Variants in AHCYL2 observed in about 807,000 individuals in gnomAD.
AHCYL2 encodes S-adenosylhomocysteine hydrolase-like protein 2.
Under a neutral mutation model 81.4 loss-of-function variants are expected in AHCYL2, and 28 were observed. That is an observed-to-expected ratio of 0.34 (90% confidence interval 0.25 to 0.47). The LOEUF (loss-of-function observed/expected upper bound fraction) is 0.47. AHCYL2 is among the 20% of genes least tolerant of loss of function. AHCYL2 has a pLI of 1.00. For synonymous variants in AHCYL2, 272 were observed against 290.2 expected, an observed-to-expected ratio of 0.94 and a Z score of 0.64; for missense variants, 551 against 785.1, an observed-to-expected ratio of 0.70 and a Z score of 3.56.
chr7:129,320,517 A>T (rs564811827), intron 1 of AHCYL2, among the ~76,000 whole-genome samples: 1 of 152,194 alleles, frequency 6.6e-6, no homozygotes, highest in Non-Finnish European at 1.5e-5. Context: ...CGGTTTCACC[A>T]TGTTAGCCAG....
chr7:129,243,574 GT>G (rs79125788), intron 1 of AHCYL2, among the ~76,000 whole-genome samples: 3 of 84,972 alleles, frequency 3.5e-5, no homozygotes, highest in Admixed American at 1.2e-4. Flanking sequence ...GTTTGTTTTT[GT>G]TTTTGTTTTG....
At chr7:129,249,853 A>G (rs1795191683) in intron 1 of AHCYL2, among the ~76,000 whole-genome samples, 1 of 152,148 alleles carries the variant, frequency 6.6e-6, no homozygotes, top group African/African-American at 2.4e-5. Context: ...TTTACTTGGT[A>G]TAATGTTTTC....
chr7:129,238,984 T>G lies in AHCYL2; in HGVS notation c.363+13545T>G, dbSNP rs1584691496. The stretch of plus-strand genomic sequence containing the variant: ...AAGAACCTTTGTGAGGTTTCCTTGT[T>G]CCAGCTTTACAAGTCTAGAAATTCA... On this transcript the variant is annotated intron_variant, in intron 1 of 16. Transcript: ENST00000325006. Among the ~76,000 whole-genome samples the G allele has an allele frequency of 5.9e-5, 9 of 151,702 alleles. No homozygotes were observed. In the Admixed American group the frequency reaches 5.9e-4, roughly 10 times the overall value.
At chr7:129,264,467 GA>G (rs1795748981) in intron 1 of AHCYL2, among the ~76,000 whole-genome samples, 1 of 152,158 alleles carries the variant, frequency 6.6e-6, no homozygotes, top group Non-Finnish European at 1.5e-5. Context: ...GTAAGGGTAA[GA>G]AATCATGGAT....
At chr7:129,234,514 A>T (rs1378763750) in intron 1 of AHCYL2, among the ~76,000 whole-genome samples, 1 of 151,994 alleles carries the variant, frequency 6.6e-6, no homozygotes, top group Non-Finnish European at 1.5e-5. Context: ...AAGTGCTGGG[A>T]TTACAGGCGC....
intron 11 of AHCYL2, among the ~76,000 whole-genome samples, chr7:129,410,930 G>A (rs543264592): frequency 6.6e-6 from 1 of 152,120 alleles, no homozygotes; most frequent in Non-Finnish European, 1.5e-5. Context: ...CAATCCCCTG[G>A]ATCTCTTTTG....
At chr7:129,261,339 T>G (rs916947180) in intron 1 of AHCYL2, among the ~76,000 whole-genome samples, 2 of 152,150 alleles carry the variant, frequency 1.3e-5, no homozygotes, top group African/African-American at 4.8e-5. Context: ...TCTACTAAGA[T>G]AAGGCCAAAT....
At chr7:129,299,561 T>G (rs1254355738) in intron 1 of AHCYL2, among the ~76,000 whole-genome samples, 2 of 151,730 alleles carry the variant, frequency 1.3e-5, no homozygotes, top group African/African-American at 4.8e-5. Flanking sequence ...GCCGTGCTAA[T>G]TTTTTGTATT....
At chr7:129,343,766 C>T (rs191929305) in intron 1 of AHCYL2, among the ~76,000 whole-genome samples, 1 of 152,038 alleles carries the variant, frequency 6.6e-6, no homozygotes, top group East Asian at 1.9e-4. Flanking sequence ...TTTCTTTGCA[C>T]ACAAAAAATA....
intron 4 of AHCYL2, among the ~76,000 whole-genome samples, chr7:129,390,531 A>G (rs1024054119): frequency 6.6e-6 from 1 of 152,228 alleles, no homozygotes; most frequent in African/African-American, 2.4e-5. Context: ...AAAGGAATTT[A>G]TCACAGTACA....
intron 1 of AHCYL2, among the ~76,000 whole-genome samples, chr7:129,258,972 TC>T (rs1380758011): frequency 2.6e-5 from 4 of 152,194 alleles, no homozygotes. Flanking sequence ...TATTTTAAAA[TC>T]CTGCTCCTTG....
intron 1 of AHCYL2, among the ~76,000 whole-genome samples, chr7:129,266,438 A>G (rs1795813923): frequency 6.6e-6 from 1 of 152,076 alleles, no homozygotes; most frequent in Non-Finnish European, 1.5e-5. Flanking sequence ...GAGTCAGGAG[A>G]ATGGCTTGAA....
intron 1 of AHCYL2, among the ~76,000 whole-genome samples, chr7:129,292,533 G>A (rs992755109): frequency 3.3e-5 from 5 of 152,164 alleles, no homozygotes; most frequent in Admixed American, 2.6e-4. Flanking sequence ...TTGGGAGTCT[G>A]AGACAGGCAG....
intron 1 of AHCYL2, chr7:129,377,668 C>G (rs1415147165): frequency 2.2e-6 from 1 of 455,430 alleles, no homozygotes; most frequent in East Asian, 6.9e-5. Context: ...TTAGACCTTC[C>G]TCTATGCCAC....
intron 1 of AHCYL2, among the ~76,000 whole-genome samples, chr7:129,357,352 G>C (rs995025052): frequency 1.3e-5 from 2 of 152,202 alleles, no homozygotes; most frequent in Non-Finnish European, 2.9e-5. Flanking sequence ...GTTAACCTTA[G>C]AGGATGCTAG....
rs372921689 is a variant in AHCYL2 at position 129,341,752 on chromosome 7, C to T, written c.364-37886C>T. Among the ~76,000 whole-genome samples, 69 of 152,154 alleles carry T rather than the reference C, an allele frequency of 4.5e-4. 1 individual carries two copies. The South Asian group carries it at 0.014, about 30-fold the overall frequency. On this transcript the variant is annotated intron_variant, in intron 1 of 16. Transcript: ENST00000325006. ...GTCCCCAAAGCTTTCTTGTCGAATGCCTGTGAATTTCGAGGGTGGGAATAA... is the reference window on the plus strand; with the variant it reads ...GTCCCCAAAGCTTTCTTGTCGAATGTCTGTGAATTTCGAGGGTGGGAATAA...
intron 6 of AHCYL2, 125 bp downstream of exon 6, chr7:129,400,509 C>G (rs1022855932): frequency 1.2e-6 from 1 of 814,812 alleles, no homozygotes; most frequent in African/African-American, 1.7e-5. Flanking sequence ...ATCTGATATA[C>G]CTGGGTTTCC....
intron 1 of AHCYL2, among the ~76,000 whole-genome samples, chr7:129,253,308 G>A (rs991219657): frequency 1.3e-5 from 2 of 152,220 alleles, no homozygotes; most frequent in Non-Finnish European, 2.9e-5. Context: ...CCCTTAGGAA[G>A]ATTGGGACCT....
intron 1 of AHCYL2, among the ~76,000 whole-genome samples, chr7:129,236,212 T>A (rs1794639460): frequency 6.6e-6 from 1 of 151,742 alleles, no homozygotes; most frequent in African/African-American, 2.4e-5. Context: ...ATTTTAATTT[T>A]TTTTTTTTGA....
Sources: gnomAD v4.1 joint callset for allele counts (sites outside exome capture counted in the v4.1 genomes callset) on GRCh38, gnomAD v4.1.1 for gene constraint, MANE v1.5 for transcripts, NCBI Gene and HGNC (gene_info 2026-07-23, HGNC 2026-07-21) for gene names.